The following CPPED1 variants were observed in gnomAD, a reference collection of about 807,000 sequenced individuals.
CPPED1 encodes calcineurin like phosphoesterase domain containing 1.
In CPPED1, 28 loss-of-function variants were observed where a neutral mutation model predicts 28.0. The observed-to-expected ratio is 1.00, with a 90% CI of 0.74 to 1.37. CPPED1 has a LOEUF of 1.37. Ranked by LOEUF, CPPED1 falls within the 40% of genes most tolerant of loss-of-function variation. The pLI, the probability that CPPED1 is intolerant of heterozygous loss-of-function variation, is 0.00. For missense variants in CPPED1, 504 were observed against 416.5 expected (o/e 1.21, Z -1.83); for synonymous variants, 198 against 180.2 (o/e 1.10, Z -0.79).
chr16:12,734,104 C>A (rs2080214397), intron 2 of CPPED1, among the ~76,000 whole-genome samples: 1 of 112,536 alleles, frequency 8.9e-6, no homozygotes, highest in Non-Finnish European at 1.6e-5. Context: ...GAGTCATGCT[C>A]TGTCACCCAG....
intron 3 of CPPED1, among the ~76,000 whole-genome samples, chr16:12,694,783 C>G (rs12922101): frequency 7.1e-6 from 1 of 140,004 alleles, no homozygotes; most frequent in African/African-American, 2.8e-5. Flanking sequence ...AAACCCCCCC[C>G]TTTTTTTTTT....
At chr16:12,727,437 C>T (rs137931655) in intron 2 of CPPED1, among the ~76,000 whole-genome samples, 16 of 152,246 alleles carry the variant, frequency 1.1e-4, no homozygotes, top group African/African-American at 1.9e-4. Flanking sequence ...ACTACAGACT[C>T]GACCTCCTGG....
intron 2 of CPPED1, chr16:12,760,371 T>C (rs1002739662): frequency 1.3e-5 from 2 of 152,152 alleles, no homozygotes; most frequent in Admixed American, 1.3e-4. Flanking sequence ...CCTTCACAGG[T>C]AGAAACAATT....
intron 3 of CPPED1, among the ~76,000 whole-genome samples, chr16:12,688,437 G>C (rs527814797): frequency 1.2e-4 from 18 of 150,560 alleles, no homozygotes; most frequent in Admixed American, 3.3e-4. Flanking sequence ...CTGGGTTGAA[G>C]TGATTATTCT....
intron 3 of CPPED1, among the ~76,000 whole-genome samples, chr16:12,671,369 CAG>C (rs2079851938): frequency 6.6e-6 from 1 of 151,080 alleles, no homozygotes; most frequent in African/African-American, 2.4e-5. Context: ...AGGAAGGAAA[CAG>C]AGATTGAGAA....
intron 1 of CPPED1, 33 bp downstream of exon 1, chr16:12,803,674 G>T: frequency 6.8e-7 from 1 of 1,469,756 alleles, no homozygotes; most frequent in East Asian, 2.8e-5. Context: ...CGCAGCCCCA[G>T]AGTCCCCTCC....
chr16:12,706,168 A>C (rs1276506553), intron 2 of CPPED1, among the ~76,000 whole-genome samples: 1 of 152,128 alleles, frequency 6.6e-6, no homozygotes, highest in Non-Finnish European at 1.5e-5. Flanking sequence ...AATATATAGT[A>C]AGTTAATAAT....
intron 3 of CPPED1, among the ~76,000 whole-genome samples, chr16:12,678,783 T>G (rs2079890719): frequency 6.6e-6 from 1 of 152,218 alleles, no homozygotes; most frequent in Non-Finnish European, 1.5e-5. Flanking sequence ...TAGTAATTAT[T>G]TTGTAGATTC....
At chr16:12,674,013 C>G (rs1205728058) in intron 3 of CPPED1, among the ~76,000 whole-genome samples, 1 of 152,056 alleles carries the variant, frequency 6.6e-6, no homozygotes, top group Non-Finnish European at 1.5e-5. Flanking sequence ...TGCACCACTG[C>G]ACTCCAGCTT....
chr16:12,799,236 A>G (rs2080644229), intron 1 of CPPED1, among the ~76,000 whole-genome samples: 1 of 138,626 alleles, frequency 7.2e-6, no homozygotes, highest in Non-Finnish European at 1.5e-5. Flanking sequence ...GAGAAGGGGA[A>G]AAGTCAGTTT....
chr16:12,722,718 C>T (rs1408317696), intron 2 of CPPED1, among the ~76,000 whole-genome samples: 2 of 152,030 alleles, frequency 1.3e-5, no homozygotes, highest in African/African-American at 4.8e-5. Flanking sequence ...AGAATGAAGC[C>T]CTGTCTCAAG....
chr16:12,732,910 A>G (rs150457014), intron 2 of CPPED1, among the ~76,000 whole-genome samples: 1 of 152,212 alleles, frequency 6.6e-6, no homozygotes, highest in Non-Finnish European at 1.5e-5. Context: ...TAGATCCAAC[A>G]TGAGAGAGAA....
intron 3 of CPPED1, among the ~76,000 whole-genome samples, chr16:12,696,144 C>T (rs2079988878): frequency 6.6e-6 from 1 of 152,200 alleles, no homozygotes; most frequent in Admixed American, 6.5e-5. Flanking sequence ...AGCTTTACTT[C>T]CTATAGTTTG....
rs113105984 is a variant in CPPED1, at chr16:12,771,543, T to A, written c.289+9642A>T. On this transcript the variant is annotated intron_variant, in intron 2 of 3. Coordinates refer to ENST00000381774, the MANE Select transcript of CPPED1 (RefSeq NM_018340.3). Reference sequence around the variant, plus strand: ...TTGGGAGAAGGCGAACTAGCAGAGGTTGGAGCAATGAGATAAGGCCTTTTC... The same window carrying A: ...TTGGGAGAAGGCGAACTAGCAGAGGATGGAGCAATGAGATAAGGCCTTTTC... Among the ~76,000 whole-genome samples, 1,027 of 152,236 alleles carry A rather than the reference T, an allele frequency of 6.7e-3. 5 individuals carry two copies. Among genetic ancestry groups the A allele is most frequent in the Non-Finnish European group, 9.2e-3 (628 of 68,002 alleles).
At chr16:12,765,611 T>C (rs2080433789) in intron 2 of CPPED1, among the ~76,000 whole-genome samples, 3 of 152,244 alleles carry the variant, frequency 2.0e-5, no homozygotes, top group African/African-American at 7.2e-5. Context: ...TTATGGATGA[T>C]GACAGTGGTA....
intron 2 of CPPED1, among the ~76,000 whole-genome samples, chr16:12,755,281 CTTTT>C (rs35135598): frequency 7.8e-6 from 1 of 128,776 alleles, no homozygotes. Flanking sequence ...AGTATGCATT[CTTTT>C]TTTTTTTTTT....
chr16:12,796,723 G>C (rs1295902390), intron 1 of CPPED1, among the ~76,000 whole-genome samples: 3 of 151,952 alleles, frequency 2.0e-5, no homozygotes, highest in Admixed American at 2.0e-4. Context: ...CCAATCCTAG[G>C]TATCTACCCA....
At chr16:12,788,212 G>A (rs753369997) in intron 1 of CPPED1, among the ~76,000 whole-genome samples, 1 of 152,150 alleles carries the variant, frequency 6.6e-6, no homozygotes, top group Non-Finnish European at 1.5e-5. Flanking sequence ...GCTGTGTTCT[G>A]CTCATTACAA....
chr16:12,713,945 C>T (rs1243229997), intron 2 of CPPED1, among the ~76,000 whole-genome samples: 1 of 152,140 alleles, frequency 6.6e-6, no homozygotes, highest in Non-Finnish European at 1.5e-5. Flanking sequence ...TGCCCCCCAA[C>T]TCCCACCACC....
Sources: allele counts gnomAD v4.1 joint callset (sites outside exome capture counted in the v4.1 genomes callset), GRCh38; gene constraint gnomAD v4.1.1; transcripts MANE v1.5; gene names NCBI Gene and HGNC (gene_info 2026-07-23, HGNC 2026-07-21).